TRIM5: variants seen among roughly 807,000 people sequenced by gnomAD.
TRIM5 encodes the protein tripartite motif containing 5, also known as tripartite motif-containing protein 5.
In TRIM5, 31 loss-of-function variants were observed where a neutral mutation model predicts 35.6. That is an observed-to-expected ratio of 0.87 (90% CI 0.65 to 1.18). The LOEUF is 1.18. Among genes scored for constraint, TRIM5 ranks in the 50% most tolerant of loss-of-function variants. The pLI is 0.00. For missense variants in TRIM5, 609 were observed against 591.6 expected, an observed-to-expected ratio of 1.03 and a Z score of -0.31; for synonymous variants, 243 against 215.6, an observed-to-expected ratio of 1.13 and a Z score of -1.11.
the TRIM5 span, among the ~76,000 whole-genome samples, chr11:5,657,655 ATAAT>A: frequency 1.7e-5 from 2 of 118,350 alleles, no homozygotes; most frequent in Non-Finnish European, 3.4e-5. Flanking sequence ...TATATTATAT[ATAAT>A]ATATATTTAT....
At chr11:5,594,242 TGC>T in the TRIM5 span, among the ~76,000 whole-genome samples, 6 of 152,316 alleles carry the variant, frequency 3.9e-5, no homozygotes, top group East Asian at 1.2e-3. Flanking sequence ...AAATAAAAAC[TGC>T]CTTGGTTAGC....
chr11:5,627,780 T>C, the TRIM5 span, among the ~76,000 whole-genome samples: 7 of 152,220 alleles, frequency 4.6e-5, no homozygotes, highest in Non-Finnish European at 7.3e-5. Context: ...ACTTTCCTTA[T>C]TGGCAGTTTC....
At chr11:5,669,156 C>T (rs1466897865) in intron 4 of TRIM5, among the ~76,000 whole-genome samples, 6 of 151,330 alleles carry the variant, frequency 4.0e-5, no homozygotes, top group Non-Finnish European at 7.4e-5. Context: ...CTCAGCTCAC[C>T]GCAACCTCCA....
intron 4 of TRIM5, 69 bp from the exon 5 acceptor site, chr11:5,667,780 A>G: frequency 1.9e-6 from 3 of 1,552,328 alleles, no homozygotes; most frequent in Non-Finnish European, 2.6e-6. Flanking sequence ...GCTTCATCAC[A>G]TTTCCCCCGG....
the TRIM5 span, chr11:5,605,102 G>A: frequency 5.3e-6 from 3 of 568,912 alleles, no homozygotes; most frequent in South Asian, 6.0e-5. Context: ...AGGAATCACA[G>A]TTGATGTCTA....
At chr11:5,642,943 C>A in the TRIM5 span, 3 of 1,518,078 alleles carry the variant, frequency 2.0e-6, no homozygotes, top group Admixed American at 2.0e-5. Context: ...GCATTCTCAG[C>A]ACCTCCCAAA....
the TRIM5 span, chr11:5,632,132 G>T: frequency 2.2e-6 from 3 of 1,378,674 alleles, no homozygotes; most frequent in Non-Finnish European, 2.9e-6. Context: ...AGCCATTTTT[G>T]GTTTCTCTTC....
intron 4 of TRIM5, among the ~76,000 whole-genome samples, chr11:5,677,107 T>A (rs1014673111): frequency 2.6e-5 from 4 of 151,516 alleles, no homozygotes; most frequent in Non-Finnish European, 4.4e-5. Flanking sequence ...ACAAATGGGA[T>A]CTAATTAAAC....
the TRIM5 span, chr11:5,612,204 G>A: frequency 6.6e-6 from 1 of 152,042 alleles, no homozygotes; most frequent in Admixed American, 6.6e-5. Context: ...TTACATTCTT[G>A]TAATATCTTT....
chr11:5,656,602 C>T, the TRIM5 span, among the ~76,000 whole-genome samples: 1 of 152,146 alleles, frequency 6.6e-6, no homozygotes, highest in Non-Finnish European at 1.5e-5. Context: ...GATCCGCCCA[C>T]CTCGGCCTCC....
At chr11:5,610,722 A>G in the TRIM5 span, 1 of 1,592,274 alleles carries the variant, frequency 6.3e-7, no homozygotes, top group Non-Finnish European at 8.6e-7. Flanking sequence ...TCTTCTCAGC[A>G]TAACGAGACC....
chr11:5,605,629 C>T, the TRIM5 span: 1 of 1,516,660 alleles, frequency 6.6e-7, no homozygotes, highest in Non-Finnish European at 8.8e-7. Flanking sequence ...ACTTTCCTTC[C>T]TTTCTGGGAC....
At chr11:5,653,765 ACAGGTGTGAG>A in the TRIM5 span, among the ~76,000 whole-genome samples, 3 of 152,186 alleles carry the variant, frequency 2.0e-5, no homozygotes, top group African/African-American at 7.2e-5. Context: ...TGTGAGGATT[ACAGGTGTGAG>A]CCACCACGCC....
chr11:5,665,854 A>C, intron 6 of TRIM5, 127 bp downstream of exon 6: 1 of 1,314,410 alleles, frequency 7.6e-7, no homozygotes, highest in Non-Finnish European at 1.0e-6. Context: ...TAATCCCATC[A>C]GCAGCAGACA....
At chr11:5,666,730 A>G (rs986340378) in intron 5 of TRIM5, among the ~76,000 whole-genome samples, 2 of 152,250 alleles carry the variant, frequency 1.3e-5, no homozygotes, top group Non-Finnish European at 2.9e-5. Context: ...AGAACTTGAT[A>G]CCACCACGTA....
chr11:5,642,563 A>T, the TRIM5 span: 1 of 1,591,640 alleles, frequency 6.3e-7, no homozygotes, highest in Middle Eastern at 1.7e-4. Context: ...TCAGGTAATA[A>T]ACTGTCTAGG....
the TRIM5 span, chr11:5,642,872 GT>G: frequency 2.0e-5 from 32 of 1,613,298 alleles, no homozygotes; most frequent in Non-Finnish European, 2.7e-5. Flanking sequence ...TTAAATAACT[GT>G]TTTCCAATTA....
chr11:5,603,794 T>A, the TRIM5 span: 2 of 1,583,720 alleles, frequency 1.3e-6, no homozygotes, highest in Non-Finnish European at 8.6e-7. Flanking sequence ...GGTTTTAACG[T>A]TTTATCATGC....
the TRIM5 span, among the ~76,000 whole-genome samples, chr11:5,656,297 C>T: frequency 2.4e-4 from 36 of 149,896 alleles, no homozygotes; most frequent in African/African-American, 8.3e-4. Flanking sequence ...AAAACTTAAA[C>T]AAATTTACAA....
Sources: allele counts gnomAD v4.1 joint callset (sites outside exome capture counted in the v4.1 genomes callset), GRCh38; gene constraint gnomAD v4.1.1; transcripts MANE v1.5; gene names NCBI Gene and HGNC (gene_info 2026-07-23, HGNC 2026-07-21).